PDE4D: variants seen among roughly 807,000 people sequenced by gnomAD.
PDE4D encodes the protein phosphodiesterase 4D.
A neutral mutation model predicts 87.4 loss-of-function variants in PDE4D; 24 were observed. That is an observed-to-expected ratio of 0.27 (90% CI 0.20 to 0.39). The LOEUF is 0.39. PDE4D is among the 10% of genes least tolerant of loss of function. The pLI is 1.00. For synonymous variants in PDE4D, 384 were observed against 383.2 expected, an observed-to-expected ratio of 1.00 and a Z score of -0.02; for missense variants, 714 against 1,041.0, an observed-to-expected ratio of 0.69 and a Z score of 4.32.
intron 1 of PDE4D, among the ~76,000 whole-genome samples, chr5:60,311,738 G>A (rs1258053543): frequency 6.6e-6 from 1 of 152,072 alleles, no homozygotes; most frequent in Non-Finnish European, 1.5e-5. Context: ...AGTGTAAATG[G>A]GCTAAATGTC....
At chr5:59,656,226 C>A (rs1744333965) in intron 1 of PDE4D, among the ~76,000 whole-genome samples, 1 of 152,028 alleles carries the variant, frequency 6.6e-6, no homozygotes, top group Admixed American at 6.6e-5. Context: ...ATACACACAT[C>A]ACACACAGAC....
chr5:60,285,015 G>A (rs1752284705), intron 1 of PDE4D, among the ~76,000 whole-genome samples: 1 of 151,964 alleles, frequency 6.6e-6, no homozygotes, highest in Non-Finnish European at 1.5e-5. Context: ...TTGTAATTGA[G>A]AAGTTAAGGC....
chr5:60,419,387 T>TA (rs1466824475), intron 1 of PDE4D, among the ~76,000 whole-genome samples: 1 of 151,884 alleles, frequency 6.6e-6, no homozygotes, highest in African/African-American at 2.4e-5. Context: ...AAATATAAAG[T>TA]ATGCACATCA....
At chr5:60,039,435 T>A (rs1258513113) in intron 2 of PDE4D, among the ~76,000 whole-genome samples, 2 of 77,886 alleles carry the variant, frequency 2.6e-5, no homozygotes, top group Non-Finnish European at 5.3e-5. Flanking sequence ...GGGACTGTTG[T>A]GGGGTGGTGG....
intron 1 of PDE4D, among the ~76,000 whole-genome samples, chr5:59,889,654 T>C (rs915038975): frequency 3.3e-5 from 5 of 152,226 alleles, no homozygotes; most frequent in Non-Finnish European, 7.3e-5. Flanking sequence ...TTGAAAATAA[T>C]ATTTTGTTGT....
intron 1 of PDE4D, among the ~76,000 whole-genome samples, chr5:60,409,023 C>T (rs530440461): frequency 3.9e-5 from 6 of 152,208 alleles, no homozygotes; most frequent in South Asian, 2.1e-4. Context: ...GGGAATAAAG[C>T]GGACACAGCC....
In PDE4D at chr5:59,025,887, T is replaced by C. The variant is rs187824040; in HGVS notation, c.921+12972A>G. 2.6e-5 allele frequency among the ~76,000 whole-genome samples: 4 copies of C among 152,348 alleles called. No homozygotes were observed. The East Asian group carries it at 7.7e-4, about 29-fold the overall frequency. ...GTTTATGACAGGCCAAGGTGTTTCC[T>C]ATTATGGTGCCTATGGCTGCACAGT... On this transcript the variant is annotated intron_variant, in intron 6 of 14. Coordinates refer to ENST00000340635, the MANE Select transcript of PDE4D (RefSeq NM_001104631.2).
chr5:60,135,378 G>T (rs1562136290), intron 2 of PDE4D, among the ~76,000 whole-genome samples: 1 of 152,158 alleles, frequency 6.6e-6, no homozygotes, highest in Non-Finnish European at 1.5e-5. Flanking sequence ...AGATCTAATT[G>T]CCAGATGTCT....
At chr5:59,600,526 T>A (rs1280365147) in intron 1 of PDE4D, among the ~76,000 whole-genome samples, 1 of 152,172 alleles carries the variant, frequency 6.6e-6, no homozygotes, top group African/African-American at 2.4e-5. Flanking sequence ...TTTTCCTCAT[T>A]TGTTTTTGTT....
chr5:60,402,671 A>G (rs895206032), intron 1 of PDE4D, among the ~76,000 whole-genome samples: 2 of 152,218 alleles, frequency 1.3e-5, no homozygotes, highest in Admixed American at 1.3e-4. Context: ...AGTTTTGAAG[A>G]TCACGTTTGG....
intron 1 of PDE4D, among the ~76,000 whole-genome samples, chr5:59,271,127 C>T (rs1407682940): frequency 1.3e-5 from 2 of 151,948 alleles, no homozygotes; most frequent in Admixed American, 6.6e-5. Flanking sequence ...GTAACCTCCA[C>T]CTCCTGGGTT....
At chr5:59,888,917 T>G (rs1296717738) in intron 1 of PDE4D, among the ~76,000 whole-genome samples, 2 of 152,060 alleles carry the variant, frequency 1.3e-5, no homozygotes, top group Non-Finnish European at 2.9e-5. Flanking sequence ...ATTTAATATA[T>G]GATGTTAACA....
chr5:59,513,540 C>G (rs929162592), intron 1 of PDE4D, among the ~76,000 whole-genome samples: 8 of 152,108 alleles, frequency 5.3e-5, no homozygotes, highest in Non-Finnish European at 8.8e-5. Flanking sequence ...GCAATTAAAC[C>G]TGTAAAAGAC....
chr5:59,056,319 C>A (rs1047039825), intron 5 of PDE4D, among the ~76,000 whole-genome samples: 10 of 152,112 alleles, frequency 6.6e-5, no homozygotes, highest in African/African-American at 2.2e-4. Context: ...AGGTAGGAAG[C>A]TACAACCACT....
At chr5:59,010,833 C>G (rs10035390) in intron 6 of PDE4D, among the ~76,000 whole-genome samples, 15,313 of 152,082 alleles carry the variant, frequency 0.1, 1,020 homozygotes, top group Non-Finnish European at 0.13. Context: ...AGAATGGACA[C>G]ACTGCTTCCT....
At chr5:60,111,038 T>C (rs1279673164) in intron 2 of PDE4D, among the ~76,000 whole-genome samples, 1 of 151,938 alleles carries the variant, frequency 6.6e-6, no homozygotes, top group Non-Finnish European at 1.5e-5. Flanking sequence ...AAGGAGTTGG[T>C]TAACAGATAT....
chr5:60,430,257 C>A (rs1264348901), intron 1 of PDE4D: 1 of 505,760 alleles, frequency 2.0e-6, no homozygotes, highest in Non-Finnish European at 4.0e-6. Flanking sequence ...CTTCTCATCA[C>A]CCTTCTTTGC....
chr5:59,232,811 C>CAT (rs139070531), intron 1 of PDE4D, among the ~76,000 whole-genome samples: 15,022 of 143,374 alleles, frequency 0.1, 811 homozygotes, highest in Middle Eastern at 0.19. Flanking sequence ...AGAGAAAATA[C>CAT]ATATATATAT....
chr5:59,399,418 A>T (rs1489451845), intron 1 of PDE4D, among the ~76,000 whole-genome samples: 1 of 138,664 alleles, frequency 7.2e-6, no homozygotes, highest in Non-Finnish European at 1.6e-5. Flanking sequence ...AGCCCTCAGA[A>T]ATAACGCCGC....
Sources: allele counts gnomAD v4.1 joint callset (sites outside exome capture counted in the v4.1 genomes callset), GRCh38; gene constraint gnomAD v4.1.1; transcripts MANE v1.5; gene names NCBI Gene and HGNC (gene_info 2026-07-23, HGNC 2026-07-21).